Variants in SHISA9 observed in about 807,000 individuals in gnomAD.
The protein encoded by SHISA9 is shisa family member 9.
Under a neutral mutation model 38.0 loss-of-function variants are expected in SHISA9, and 13 were observed. That is an observed-to-expected ratio of 0.34 (90% CI 0.22 to 0.54). The LOEUF is 0.54. Ranked by LOEUF, SHISA9 falls within the 20% of genes least tolerant of loss-of-function variation. The pLI is 0.91. For synonymous variants in SHISA9, 275 were observed against 242.0 expected (o/e 1.14, Z -1.27); for missense variants, 538 against 575.8 (o/e 0.93, Z 0.67).
At chr16:13,355,347 T>C in the SHISA9 span, among the ~76,000 whole-genome samples, 1 of 151,894 alleles carries the variant, frequency 6.6e-6, no homozygotes, top group African/African-American at 2.4e-5. Context: ...TAGATTTTAA[T>C]GAGATGGTAA....
chr16:13,509,067 A>G, the SHISA9 span, among the ~76,000 whole-genome samples: 6 of 152,176 alleles, frequency 3.9e-5, no homozygotes, highest in Non-Finnish European at 8.8e-5. Context: ...GCTCCAAATT[A>G]GCTTTCGTGA....
the SHISA9 span, among the ~76,000 whole-genome samples, chr16:13,407,876 A>C: frequency 6.6e-6 from 1 of 152,366 alleles, no homozygotes; most frequent in Middle Eastern, 3.4e-3. Context: ...TGCTACAGCA[A>C]CCTTCTTACA....
At chr16:13,541,211 C>T in the SHISA9 span, among the ~76,000 whole-genome samples, 2 of 152,092 alleles carry the variant, frequency 1.3e-5, no homozygotes, top group Admixed American at 1.3e-4. Context: ...GGTTATTGGT[C>T]CCAGACATGA....
the SHISA9 span, among the ~76,000 whole-genome samples, chr16:13,463,752 C>T: frequency 2.0e-5 from 3 of 152,288 alleles, no homozygotes; most frequent in Admixed American, 6.5e-5. Flanking sequence ...AAATATCGAG[C>T]AAATGGGCTA....
In SHISA9 at chr16:13,019,832, CTTT is replaced by C. The variant is rs1236584557; in HGVS notation, c.691+103020_691+103022del. ...TCTTTCTTTCTTTCTTTCTTTCTTT[CTTT>C]TTCCTTCCTTCCCTCCCTCCCTCCC... On this transcript the variant is annotated intron_variant, in intron 2 of 4. Coordinates refer to ENST00000558583, the MANE Select transcript of SHISA9 (RefSeq NM_001145204.3). 3.1e-3 allele frequency among the ~76,000 whole-genome samples: 221 copies of C among 71,256 alleles called. 5 individuals are homozygous for C. Among genetic ancestry groups the C allele is most frequent in the East Asian group, 0.012 (25 of 2,130 alleles). 46.7% of individuals were successfully genotyped at this position (71,256 alleles called of 152,430 possible).
chr16:13,535,109 G>T, the SHISA9 span, among the ~76,000 whole-genome samples: 1 of 152,080 alleles, frequency 6.6e-6, no homozygotes, highest in African/African-American at 2.4e-5. Context: ...AGCTCAATAT[G>T]GTGCTGTGCG....
the SHISA9 span, among the ~76,000 whole-genome samples, chr16:13,477,884 G>T: frequency 1.3e-5 from 2 of 152,156 alleles, no homozygotes; most frequent in African/African-American, 2.4e-5. Flanking sequence ...AGAATGGCCC[G>T]AACCCGGGAG....
chr16:13,293,228 C>G, the SHISA9 span, among the ~76,000 whole-genome samples: 1 of 152,100 alleles, frequency 6.6e-6, no homozygotes, highest in East Asian at 1.9e-4. Flanking sequence ...TTATCTGACC[C>G]ACAACACACG....
At chr16:13,173,552 C>T (rs1391632144) in intron 2 of SHISA9, among the ~76,000 whole-genome samples, 1 of 152,128 alleles carries the variant, frequency 6.6e-6, no homozygotes, top group Non-Finnish European at 1.5e-5. Context: ...TAACTGGGGG[C>T]AATTTTGCTC....
At chr16:13,127,105 G>A (rs2050265934) in intron 2 of SHISA9, among the ~76,000 whole-genome samples, 1 of 145,516 alleles carries the variant, frequency 6.9e-6, no homozygotes. Context: ...GAAAGAGAGA[G>A]AGACTGAGGG....
chr16:12,923,573 G>A (rs542866688), intron 2 of SHISA9, among the ~76,000 whole-genome samples: 24 of 151,992 alleles, frequency 1.6e-4, no homozygotes, highest in African/African-American at 5.1e-4. Context: ...TGAAACAGTC[G>A]GAAAAATATT....
the SHISA9 span, among the ~76,000 whole-genome samples, chr16:13,271,030 T>G: frequency 6.6e-6 from 1 of 152,170 alleles, no homozygotes; most frequent in Admixed American, 6.5e-5. Flanking sequence ...TAGGAAAGTG[T>G]GCATACTGAC....
chr16:13,028,293 C>T (rs920025262), intron 2 of SHISA9, among the ~76,000 whole-genome samples: 5 of 152,104 alleles, frequency 3.3e-5, no homozygotes, highest in African/African-American at 1.2e-4. Context: ...CATTCTTAGG[C>T]AGGTTCTCCC....
At chr16:13,046,617 C>A (rs1203617051) in intron 2 of SHISA9, among the ~76,000 whole-genome samples, 1 of 152,248 alleles carries the variant, frequency 6.6e-6, no homozygotes, top group Non-Finnish European at 1.5e-5. Context: ...GCTCCTCCCT[C>A]TGCCTAAAGC....
intron 4 of SHISA9, among the ~76,000 whole-genome samples, chr16:13,233,255 C>T (rs557695064): frequency 2.2e-4 from 31 of 144,142 alleles, no homozygotes; most frequent in Middle Eastern, 3.4e-3. Flanking sequence ...AAAGAAAGAA[C>T]GAGAAAGAGA....
At chr16:13,526,685 C>G in the SHISA9 span, among the ~76,000 whole-genome samples, 3 of 152,258 alleles carry the variant, frequency 2.0e-5, no homozygotes, top group South Asian at 6.2e-4. Context: ...CAGGCCCAGG[C>G]TGCTTTTCAT....
At chr16:13,342,308 A>AT in the SHISA9 span, among the ~76,000 whole-genome samples, 1,680 of 149,226 alleles carry the variant, frequency 0.011, 14 homozygotes, top group Middle Eastern at 0.034. Flanking sequence ...AGCTTCCTAC[A>AT]TTTTTTTTTT....
rs568900779 is a variant in SHISA9 at position 12,906,639 on chromosome 16, G to A, written c.563+4012G>A. Among the ~76,000 whole-genome samples, 21 of 152,252 alleles carry A rather than the reference G, an allele frequency of 1.4e-4. No homozygotes were observed. In the South Asian group the frequency reaches 3.5e-3, roughly 26 times the overall value. The stretch of plus-strand genomic sequence containing the variant: ...ATCTGCAAGGTATTTCTACTTAGGT[G>A]TTTTTATTTTTAAGTTTTCCTCAAT... On this transcript the variant is annotated intron_variant, in intron 1 of 4. Coordinates refer to ENST00000558583, the MANE Select transcript of SHISA9 (RefSeq NM_001145204.3).
chr16:13,511,276 A>T, the SHISA9 span, among the ~76,000 whole-genome samples: 1 of 152,228 alleles, frequency 6.6e-6, no homozygotes, highest in Non-Finnish European at 1.5e-5. Flanking sequence ...CACAGTTGTG[A>T]TATTCAAAAC....
Sources: allele counts gnomAD v4.1 joint callset (sites outside exome capture counted in the v4.1 genomes callset), GRCh38; gene constraint gnomAD v4.1.1; transcripts MANE v1.5; gene names NCBI Gene and HGNC (gene_info 2026-07-23, HGNC 2026-07-21).